TBC1D8: variants seen among roughly 807,000 people sequenced by gnomAD.
TBC1D8 encodes the protein BUB2-like protein 1.
Under a neutral mutation model 118.8 loss-of-function variants are expected in TBC1D8, and 65 were observed. The ratio of observed to expected loss-of-function variants is 0.55; its 90% confidence interval spans 0.45 to 0.67. The LOEUF (loss-of-function observed/expected upper bound fraction) is 0.67, where lower values mean the gene tolerates loss of function less well. TBC1D8 is among the 30% of genes least tolerant of loss of function. The pLI, the probability that TBC1D8 is intolerant of heterozygous loss-of-function variation, is 0.00. For missense variants in TBC1D8, 1,376 were observed against 1,471.2 expected, an observed-to-expected ratio of 0.94 and a Z score of 1.06; for synonymous variants, 566 against 595.8, an observed-to-expected ratio of 0.95 and a Z score of 0.73.
intron 2 of TBC1D8, among the ~76,000 whole-genome samples, chr2:101,061,114 G>A (rs1000643158): frequency 6.6e-6 from 1 of 150,830 alleles, no homozygotes; most frequent in Non-Finnish European, 1.5e-5. Flanking sequence ...GTCGAACCTG[G>A]GAGGCGGAGA....
intron 4 of TBC1D8, among the ~76,000 whole-genome samples, chr2:101,052,815 A>AT (rs1449798563): frequency 6.6e-6 from 1 of 152,122 alleles, no homozygotes; most frequent in Non-Finnish European, 1.5e-5. Flanking sequence ...ATTTCTTTCC[A>AT]TTTATCTTGC....
In TBC1D8 at chr2:101,109,604, G is replaced by A. The variant is rs528553513; in HGVS notation, c.128-19240C>T. ...GCCTTTGGGCAATACTTATGAGCAG[G>A]GTCATAAAAAAAAAATACTGCTGTT... On this transcript the variant is annotated intron_variant, in intron 1 of 19. Coordinates refer to ENST00000409318, the MANE Select transcript of TBC1D8 (RefSeq NM_001330348.2). Among the ~76,000 whole-genome samples, 20 of 152,060 alleles carry A rather than the reference G, an allele frequency of 1.3e-4. No individual in the cohort carries two copies. In the East Asian group the frequency reaches 3.7e-3, roughly 28 times the overall value.
intron 5 of TBC1D8, among the ~76,000 whole-genome samples, chr2:101,046,412 G>T (rs1012948164): frequency 6.6e-6 from 1 of 152,208 alleles, no homozygotes; most frequent in Admixed American, 6.5e-5. Flanking sequence ...TCTTCCTCCT[G>T]TCCTGTCCTA....
chr2:101,112,701 G>A (rs1399794011), intron 1 of TBC1D8, among the ~76,000 whole-genome samples: 1 of 152,184 alleles, frequency 6.6e-6, no homozygotes, highest in Admixed American at 6.5e-5. Context: ...TCACGGTCCT[G>A]ATGGTTCCAA....
intron 3 of TBC1D8, among the ~76,000 whole-genome samples, chr2:101,057,808 A>G (rs757095742): frequency 1.4e-4 from 22 of 152,226 alleles, no homozygotes; most frequent in Non-Finnish European, 3.1e-4. Flanking sequence ...TGAGTGACAG[A>G]GCAAGACCCT....
intron 1 of TBC1D8, among the ~76,000 whole-genome samples, chr2:101,127,684 T>A (rs981377224): frequency 6.6e-5 from 10 of 152,082 alleles, no homozygotes; most frequent in Admixed American, 1.3e-4. Flanking sequence ...ATTACAAACT[T>A]AGCAACCACA....
intron 1 of TBC1D8, among the ~76,000 whole-genome samples, chr2:101,098,584 A>G (rs1471715297): frequency 6.6e-6 from 1 of 152,228 alleles, no homozygotes; most frequent in Non-Finnish European, 1.5e-5. Context: ...GCCACACGGC[A>G]CTTATTCTAA....
At chr2:101,137,513 C>A (rs1281119319) in intron 1 of TBC1D8, among the ~76,000 whole-genome samples, 1 of 151,500 alleles carries the variant, frequency 6.6e-6, no homozygotes, top group Non-Finnish European at 1.5e-5. Flanking sequence ...GGGGTTTCAC[C>A]GTGTTAGCTA....
At chr2:101,080,554 C>G (rs1285136219) in intron 2 of TBC1D8, among the ~76,000 whole-genome samples, 1 of 152,180 alleles carries the variant, frequency 6.6e-6, no homozygotes, top group Non-Finnish European at 1.5e-5. Context: ...GAATGTGCGT[C>G]AGAAAGAACG....
chr2:101,145,280 C>G (rs1475474050), intron 1 of TBC1D8, among the ~76,000 whole-genome samples: 1 of 152,182 alleles, frequency 6.6e-6, no homozygotes, highest in Non-Finnish European at 1.5e-5. Context: ...AGATTATCAG[C>G]CCCTAAAGAT....
In TBC1D8 at chr2:101,054,196, G is replaced by A. The variant is rs1397796402; in HGVS notation, c.543C>T (p.Cys181=). ...AEKLVTYYSC[C]CWKGRVPRQG... ...GGCGGGGCACCCTGCCCTTCCAACA[G>A]CAGCAGGAGTAGTAGGTGACCAGCT... The change falls in exon 4 of 20, where the codon TGC becomes TGT. Residue 181 remains cysteine, a synonymous_variant. Coordinates refer to ENST00000409318, the MANE Select transcript of TBC1D8 (RefSeq NM_001330348.2). 6.2e-7 allele frequency: 1 copy of A among 1,613,084 alleles called. No individual in the cohort carries two copies. Among genetic ancestry groups the A allele is most frequent in the Admixed American group, 1.7e-5 (1 of 59,916 alleles).
intron 5 of TBC1D8, among the ~76,000 whole-genome samples, chr2:101,043,801 A>C (rs538013615): frequency 8.7e-4 from 133 of 152,236 alleles, no homozygotes; most frequent in South Asian, 4.0e-3. Context: ...TTAACTGGGC[A>C]TGGTGACGGG....
intron 2 of TBC1D8, among the ~76,000 whole-genome samples, chr2:101,086,273 G>C (rs1675616461): frequency 2.0e-5 from 3 of 151,704 alleles, no homozygotes; most frequent in Admixed American, 6.6e-5. Flanking sequence ...AGATGAAAAA[G>C]ATAACAAAAA....
At chr2:101,101,701 A>G (rs796066) in intron 1 of TBC1D8, among the ~76,000 whole-genome samples, 95,619 of 152,016 alleles carry the variant, frequency 0.63, 30,209 homozygotes, top group East Asian at 0.81. Context: ...TATACACTAC[A>G]GAATACTATG....
intron 1 of TBC1D8, among the ~76,000 whole-genome samples, chr2:101,140,950 C>T (rs1384111553): frequency 2.0e-5 from 3 of 151,868 alleles, no homozygotes; most frequent in Admixed American, 1.3e-4. Flanking sequence ...TTAGTAAAGA[C>T]GGGGTTTCAC....
At chr2:101,062,974 A>C (rs1382141853) in intron 2 of TBC1D8, among the ~76,000 whole-genome samples, 1 of 151,988 alleles carries the variant, frequency 6.6e-6, no homozygotes, top group Non-Finnish European at 1.5e-5. Context: ...CATTTACATC[A>C]TCCTCAGGCC....
chr2:101,074,769 A>T (rs1224492735), intron 2 of TBC1D8, among the ~76,000 whole-genome samples: 2 of 152,228 alleles, frequency 1.3e-5, no homozygotes, highest in African/African-American at 4.8e-5. Flanking sequence ...GTTAAGTTAT[A>T]ACTATGTAGT....
intron 1 of TBC1D8, among the ~76,000 whole-genome samples, chr2:101,144,808 C>T (rs973543037): frequency 7.9e-5 from 12 of 151,762 alleles, no homozygotes; most frequent in African/African-American, 2.7e-4. Context: ...TGTGGTGGTG[C>T]GTGCCTGTAG....
At chr2:101,098,691 A>G (rs1423448203) in intron 1 of TBC1D8, among the ~76,000 whole-genome samples, 1 of 152,232 alleles carries the variant, frequency 6.6e-6, no homozygotes, top group Non-Finnish European at 1.5e-5. Flanking sequence ...CAATCAAACC[A>G]GAACTCAGGA....
Sources: gnomAD v4.1 joint callset for allele counts (sites outside exome capture counted in the v4.1 genomes callset) on GRCh38, gnomAD v4.1.1 for gene constraint, MANE v1.5 for transcripts, NCBI Gene and HGNC (gene_info 2026-07-23, HGNC 2026-07-21) for gene names.